SPMIP7: variants seen among roughly 807,000 people sequenced by gnomAD.
SPMIP7 encodes protein SPMIP7.
At chr7:50,141,007 C>T in the SPMIP7 span, among the ~76,000 whole-genome samples, 2 of 152,194 alleles carry the variant, frequency 1.3e-5, no homozygotes, top group South Asian at 2.1e-4. Flanking sequence ...AGGAACAGCC[C>T]GCTTCTTTGT....
chr7:50,107,385 AGAAAAGAAAAG>A, the SPMIP7 span, among the ~76,000 whole-genome samples: 8 of 42,966 alleles, frequency 1.9e-4, no homozygotes, highest in Admixed American at 3.6e-4. Flanking sequence ...AAAAAAAAAA[AGAAAAGAAAAG>A]AAAAAGAAAA....
At chr7:50,153,011 A>G in the SPMIP7 span, among the ~76,000 whole-genome samples, 2 of 152,194 alleles carry the variant, frequency 1.3e-5, no homozygotes, top group South Asian at 4.1e-4. Context: ...TTGAGCATCA[A>G]TTCTGGGCCA....
chr7:50,117,381 C>T, the SPMIP7 span: 2 of 361,364 alleles, frequency 5.5e-6, no homozygotes, highest in South Asian at 2.1e-5. Flanking sequence ...TCATCTGAGC[C>T]GCTTTTAAGA....
At chr7:50,102,181 G>T in the SPMIP7 span, among the ~76,000 whole-genome samples, 2 of 152,106 alleles carry the variant, frequency 1.3e-5, no homozygotes, top group African/African-American at 4.8e-5. Flanking sequence ...AAAATGACCT[G>T]GTTGTGCTGG....
chr7:50,140,124 C>G, the SPMIP7 span: 25 of 1,482,870 alleles, frequency 1.7e-5, no homozygotes, highest in African/African-American at 3.5e-4. Flanking sequence ...AGTTGCCTCT[C>G]TTCTCTTTTT....
At chr7:50,124,063 T>A in the SPMIP7 span, among the ~76,000 whole-genome samples, 2 of 152,034 alleles carry the variant, frequency 1.3e-5, no homozygotes, top group Non-Finnish European at 2.9e-5. Flanking sequence ...ACAATGTAAA[T>A]AAAATATAAA....
At chr7:50,149,590 G>T in the SPMIP7 span, among the ~76,000 whole-genome samples, 3 of 152,274 alleles carry the variant, frequency 2.0e-5, no homozygotes, top group Admixed American at 1.3e-4. Context: ...CTCTTTAGCT[G>T]CCTTATTTTC....
At chr7:50,139,853 A>G in the SPMIP7 span, among the ~76,000 whole-genome samples, 1 of 152,248 alleles carries the variant, frequency 6.6e-6, no homozygotes, top group Non-Finnish European at 1.5e-5. Context: ...AATACTACTC[A>G]GCAATGAAAA....
chr7:50,139,378 C>A, the SPMIP7 span, among the ~76,000 whole-genome samples: 8 of 150,960 alleles, frequency 5.3e-5, no homozygotes, highest in East Asian at 1.6e-3. Flanking sequence ...AAAAAAGATT[C>A]TTGTTCATAT....
the SPMIP7 span, among the ~76,000 whole-genome samples, chr7:50,128,260 T>A: frequency 6.6e-6 from 1 of 151,866 alleles, no homozygotes; most frequent in African/African-American, 2.4e-5. Context: ...AAAGCTAAAA[T>A]GGTGGATCTC....
the SPMIP7 span, among the ~76,000 whole-genome samples, chr7:50,131,219 A>G: frequency 1.3e-5 from 2 of 152,160 alleles, no homozygotes; most frequent in African/African-American, 4.8e-5. Flanking sequence ...TTCTGGATGT[A>G]TGTCGAATGT....
At chr7:50,101,456 A>G in the SPMIP7 span, among the ~76,000 whole-genome samples, 8 of 152,136 alleles carry the variant, frequency 5.3e-5, no homozygotes, top group African/African-American at 1.9e-4. Flanking sequence ...ACCACCCCCA[A>G]CTATCTTCTG....
At chr7:50,134,856 C>A in the SPMIP7 span, among the ~76,000 whole-genome samples, 1 of 152,182 alleles carries the variant, frequency 6.6e-6, no homozygotes, top group African/African-American at 2.4e-5. Flanking sequence ...TTGTATTACT[C>A]CACTGATTAA....
At chr7:50,134,208 A>G in the SPMIP7 span, 4 of 1,549,622 alleles carry the variant, frequency 2.6e-6, no homozygotes, top group Non-Finnish European at 3.5e-6. Context: ...ACAGTGTTTT[A>G]CTCTGAAAAG....
chr7:50,140,641 T>C, the SPMIP7 span, among the ~76,000 whole-genome samples: 1 of 152,234 alleles, frequency 6.6e-6, no homozygotes, highest in Non-Finnish European at 1.5e-5. Context: ...AGTTGGGGTC[T>C]TCTCCTGGTT....
the SPMIP7 span, among the ~76,000 whole-genome samples, chr7:50,128,621 A>G: frequency 6.6e-6 from 1 of 152,018 alleles, no homozygotes; most frequent in South Asian, 2.1e-4. Flanking sequence ...ATACATTTTA[A>G]AACTATGAAA....
the SPMIP7 span, among the ~76,000 whole-genome samples, chr7:50,127,534 C>T: frequency 6.6e-6 from 1 of 150,722 alleles, no homozygotes; most frequent in Admixed American, 6.6e-5. Flanking sequence ...ATATAAAGAC[C>T]TCAAACAACT....
the SPMIP7 span, among the ~76,000 whole-genome samples, chr7:50,147,017 C>G: frequency 6.6e-6 from 1 of 152,166 alleles, no homozygotes; most frequent in Non-Finnish European, 1.5e-5. Context: ...GTCAGGGCAG[C>G]CCTGGAATTA....
At chr7:50,141,727 C>CTT in the SPMIP7 span, 39 of 76,938 alleles carry the variant, frequency 5.1e-4, 2 homozygotes, top group South Asian at 2.9e-3. Context: ...AGAGGAATCA[C>CTT]TTTTTTTTTT....
Sources: allele counts gnomAD v4.1 joint callset (sites outside exome capture counted in the v4.1 genomes callset), GRCh38; gene constraint gnomAD v4.1.1; transcripts MANE v1.5; gene names NCBI Gene and HGNC (gene_info 2026-07-23, HGNC 2026-07-21).